Variants in NALF1 observed in about 807,000 individuals in gnomAD.
NALF1 encodes the protein family with sequence similarity 155 member A.
In NALF1, 3 loss-of-function variants were observed where a neutral mutation model predicts 48.4. That is an observed-to-expected ratio of 0.06 (90% CI 0.03 to 0.16). NALF1 has a LOEUF of 0.16. Ranked by LOEUF, NALF1 falls within the 10% of genes least tolerant of loss-of-function variation. The pLI is 1.00. For missense variants in NALF1, 526 were observed against 571.5 expected (o/e 0.92, Z 0.81); for synonymous variants, 262 against 245.7 (o/e 1.07, Z -0.62).
At chr13:107,669,326 T>C (rs1189258377) in intron 1 of NALF1, among the ~76,000 whole-genome samples, 1 of 152,164 alleles carries the variant, frequency 6.6e-6, no homozygotes, top group Non-Finnish European at 1.5e-5. Flanking sequence ...TCATTGCTTA[T>C]GATTGTGCAG....
In NALF1 at chr13:107,809,659, T is replaced by C. The variant is rs74112612; in HGVS notation, c.915+56023A>G. On this transcript the variant is annotated intron_variant, in intron 1 of 2. Transcript: ENST00000375915. ...AAGCATGAAATGTGCCCTCAATTTT[T>C]GGAAGACTTATTTTTGCTATAATTA... Among the ~76,000 whole-genome samples, 619 of 152,266 alleles carry C rather than the reference T, an allele frequency of 4.1e-3. 5 individuals carry two copies. The highest frequency in any genetic ancestry group is 0.014 in the African/African-American group (596 of 41,566).
At chr13:107,774,705 T>G (rs1488224929) in intron 1 of NALF1, among the ~76,000 whole-genome samples, 1 of 152,170 alleles carries the variant, frequency 6.6e-6, no homozygotes, top group South Asian at 2.1e-4. Flanking sequence ...TGCTAGGTAG[T>G]GGGGATGGAA....
At chr13:107,234,282 C>G (rs75595901) in intron 1 of NALF1, among the ~76,000 whole-genome samples, 4 of 152,146 alleles carry the variant, frequency 2.6e-5, no homozygotes, top group African/African-American at 4.8e-5. Flanking sequence ...CAACTTTCCC[C>G]GGGGCTTAGG....
intron 1 of NALF1, among the ~76,000 whole-genome samples, chr13:107,616,207 G>A (rs1337773707): frequency 1.3e-5 from 2 of 152,182 alleles, no homozygotes; most frequent in African/African-American, 4.8e-5. Flanking sequence ...CATAGAAAAT[G>A]AAAATGTAAA....
At chr13:107,858,648 A>G (rs1487660750) in intron 1 of NALF1, among the ~76,000 whole-genome samples, 4 of 152,174 alleles carry the variant, frequency 2.6e-5, no homozygotes, top group South Asian at 4.1e-4. Flanking sequence ...GATTGCGCCA[A>G]TGCACTCCAG....
chr13:107,383,075 G>A (rs1883468984), intron 1 of NALF1, among the ~76,000 whole-genome samples: 1 of 152,152 alleles, frequency 6.6e-6, no homozygotes, highest in African/African-American at 2.4e-5. Flanking sequence ...AATACTGCAA[G>A]TTAGTAGTTG....
intron 1 of NALF1, among the ~76,000 whole-genome samples, chr13:107,679,907 C>T (rs1881234611): frequency 6.6e-6 from 1 of 152,242 alleles, no homozygotes; most frequent in Non-Finnish European, 1.5e-5. Context: ...CTCCATGCAG[C>T]TGTTTCTAAG....
intron 1 of NALF1, among the ~76,000 whole-genome samples, chr13:107,848,284 C>T (rs1184971604): frequency 6.6e-6 from 1 of 152,056 alleles, no homozygotes; most frequent in African/African-American, 2.4e-5. Flanking sequence ...GGTACATGAT[C>T]AAAGAGGGGA....
intron 2 of NALF1, among the ~76,000 whole-genome samples, chr13:107,201,518 A>G (rs1343205587): frequency 2.6e-5 from 4 of 152,142 alleles, no homozygotes; most frequent in Non-Finnish European, 5.9e-5. Context: ...GGGAGCTTCC[A>G]GTGAGTCGAG....
At chr13:107,243,616 T>A (rs1880521267) in intron 1 of NALF1, among the ~76,000 whole-genome samples, 1 of 152,244 alleles carries the variant, frequency 6.6e-6, no homozygotes, top group African/African-American at 2.4e-5. Context: ...AATGAATGGA[T>A]AAATAAATGA....
At chr13:107,455,746 G>A (rs1566349800) in intron 1 of NALF1, among the ~76,000 whole-genome samples, 1 of 152,134 alleles carries the variant, frequency 6.6e-6, no homozygotes, top group Non-Finnish European at 1.5e-5. Context: ...TGTCTTCATA[G>A]ATTTGCCTTT....
chr13:107,248,337 A>G (rs1438060531), intron 1 of NALF1, among the ~76,000 whole-genome samples: 3 of 152,072 alleles, frequency 2.0e-5, no homozygotes, highest in African/African-American at 7.2e-5. Context: ...TTCCAGGCAT[A>G]GAATTCAGGT....
At chr13:107,606,827 G>GT (rs1879086558) in intron 1 of NALF1, among the ~76,000 whole-genome samples, 1 of 152,194 alleles carries the variant, frequency 6.6e-6, no homozygotes, top group African/African-American at 2.4e-5. Flanking sequence ...TGAGGCACCA[G>GT]TGATTTAGAG....
chr13:107,415,826 G>A (rs891899359), intron 1 of NALF1, among the ~76,000 whole-genome samples: 1 of 152,092 alleles, frequency 6.6e-6, no homozygotes, highest in Non-Finnish European at 1.5e-5. Context: ...ACTTTAATAG[G>A]TTTTCCATTT....
chr13:107,733,090 C>T (rs376040366), intron 1 of NALF1, among the ~76,000 whole-genome samples: 3 of 152,116 alleles, frequency 2.0e-5, no homozygotes, highest in Non-Finnish European at 4.4e-5. Context: ...AGAATCTTCA[C>T]TCAAATCCTG....
chr13:107,864,690 ATCT>A (rs1232436833), intron 1 of NALF1, among the ~76,000 whole-genome samples: 2 of 152,198 alleles, frequency 1.3e-5, no homozygotes, highest in Non-Finnish European at 2.9e-5. Flanking sequence ...TCACTGCAGT[ATCT>A]TCATCTTCAG....
intron 1 of NALF1, among the ~76,000 whole-genome samples, chr13:107,670,238 A>T (rs1880957932): frequency 6.6e-6 from 1 of 152,100 alleles, no homozygotes; most frequent in South Asian, 2.1e-4. Context: ...CTTATTGACG[A>T]GTAAAATAGT....
At chr13:107,853,278 T>G (rs1880364631) in intron 1 of NALF1, among the ~76,000 whole-genome samples, 1 of 152,234 alleles carries the variant, frequency 6.6e-6, no homozygotes, top group Non-Finnish European at 1.5e-5. Flanking sequence ...TAGGTTGTAA[T>G]ATTGAAAACC....
At chr13:107,528,551 G>A (rs1379672050) in intron 1 of NALF1, among the ~76,000 whole-genome samples, 1 of 152,084 alleles carries the variant, frequency 6.6e-6, no homozygotes, top group African/African-American at 2.4e-5. Flanking sequence ...CAAGCCTCGA[G>A]GGGAATTGCC....
Sources: gnomAD v4.1 joint callset for allele counts (sites outside exome capture counted in the v4.1 genomes callset) on GRCh38, gnomAD v4.1.1 for gene constraint, MANE v1.5 for transcripts, NCBI Gene and HGNC (gene_info 2026-07-23, HGNC 2026-07-21) for gene names.